The following EHMT2 variants were observed in gnomAD, a reference collection of about 807,000 sequenced individuals.
EHMT2 encodes the protein euchromatic histone lysine methyltransferase 2.
Under a neutral mutation model 143.3 loss-of-function variants are expected in EHMT2, and 59 were observed. The ratio of observed to expected loss-of-function variants is 0.41; its 90% CI spans 0.33 to 0.51. EHMT2 has a LOEUF of 0.51. EHMT2 is among the 20% of genes least tolerant of loss of function. The pLI, the probability that EHMT2 is intolerant of heterozygous loss-of-function variation, is 0.18. For synonymous variants in EHMT2, 604 were observed against 651.5 expected (o/e 0.93, Z 1.11); for missense variants, 1,174 against 1,645.9 (o/e 0.71, Z 4.96).
chr6:31,889,382 C>A lies in EHMT2; in HGVS notation c.1000-40G>T, dbSNP rs1462727474. ...GAGGAGGAGTTAGGAACCCTCACCC[C>A]CAGGGGCCCCCCCAACACCTTCAGG... On this transcript the variant is annotated intron_variant, in intron 8 of 27. Transcript: ENST00000375537. The surrounding 1 kb of genome is among the most constrained non-coding windows in gnomAD (Gnocchi z 5.1). 1 of 1,609,194 alleles carries A rather than the reference C, an allele frequency of 6.2e-7. No homozygotes were observed. Among genetic ancestry groups the A allele is most frequent in the Non-Finnish European group, 8.5e-7 (1 of 1,178,540 alleles).
chr6:31,897,637 T>C, exon 1 of EHMT2: 1 of 1,151,772 alleles, frequency 8.7e-7, no homozygotes, highest in Non-Finnish European at 1.1e-6. Context: ...CTTCCGCACC[T>C]CGGCGGCCGC....
Position 31,889,886 on chromosome 6 carries a change from T to C in EHMT2, c.865-284A>G, listed in dbSNP as rs137947555. ...GAAGATAAACATACTTTGATACCCC[T>C]TTTATGATGTTCATAAACAGGCAAG... is the stretch of plus-strand genomic sequence containing the variant. On this transcript the variant is annotated intron_variant, in intron 7 of 27. Transcript: ENST00000375537. This position sits in a 1 kb window ranked among gnomAD's most constrained non-coding sequence, Gnocchi z 5.1. Among the ~76,000 whole-genome samples, 26 of 152,352 alleles carry C rather than the reference T, an allele frequency of 1.7e-4. No individual in the cohort carries two copies. Among genetic ancestry groups the C allele is most frequent in the Non-Finnish European group, 3.4e-4 (23 of 68,034 alleles).
At chr6:31,890,943 A>G (rs1765602544) in intron 7 of EHMT2, among the ~76,000 whole-genome samples, 1 of 151,818 alleles carries the variant, frequency 6.6e-6, no homozygotes, top group Admixed American at 6.6e-5. Flanking sequence ...AAGACAAAAA[A>G]AAATTTTTTT....
chr6:31,889,297 C>T lies in EHMT2; in HGVS notation c.1045G>A (p.Asp349Asn). Residue 349 changes from aspartate to asparagine, a missense_variant, in exon 9 of 28, where the codon GAC becomes AAC. By Grantham distance (23) the Asp-to-Asn change is conservative. Around this residue, in one of 6 missense-constraint regions of EHMT2, gnomAD observed 608 missense variants for 903.7 expected, o/e 0.67. Transcript: ENST00000375537. The surrounding 1 kb of genome is among the most constrained non-coding windows in gnomAD (Gnocchi z 5.1). ...CGAGACGGCTTCACCCATGGGCTGT[C>T]TTTTCGCCATTTCTTCTTGGCCTTG... is the stretch of plus-strand genomic sequence containing the variant. The T allele has an allele frequency of 1.2e-6, 2 of 1,612,446 alleles. No homozygotes were observed. The highest frequency in any genetic ancestry group is 1.7e-6 in the Non-Finnish European group (2 of 1,179,994).
rs1764321965 is a variant in EHMT2, at chr6:31,883,067, C to T, written c.2995-58G>A. Reference sequence around the variant, plus strand: ...TGTGGGGCCCACCTCAGCTGCCCACCCAGGAACCCCAAGACTCTACAGAGA... The same window carrying T: ...TGTGGGGCCCACCTCAGCTGCCCACTCAGGAACCCCAAGACTCTACAGAGA... On this transcript the variant is annotated intron_variant, in intron 23 of 27. Transcript: ENST00000375537. This position sits in a 1 kb window ranked among gnomAD's most constrained non-coding sequence, Gnocchi z 5.6. The T allele has an allele frequency of 6.8e-7, 1 of 1,472,032 alleles. No homozygotes were observed. Among genetic ancestry groups the T allele is most frequent in the Admixed American group, 1.8e-5 (1 of 55,212 alleles). 91.2% of individuals were successfully genotyped at this position (1,472,032 alleles called of 1,614,324 possible).
exon 3 of EHMT2, chr6:31,896,810 C>T (rs1271923681): frequency 6.2e-7 from 1 of 1,612,980 alleles, no homozygotes; most frequent in South Asian, 1.1e-5. Context: ...GGGGTGTCCC[C>T]CAAAGAGCCA....
intron 1 of EHMT2, chr6:31,897,295 T>A: frequency 1.4e-6 from 1 of 695,124 alleles, no homozygotes; most frequent in Non-Finnish European, 2.0e-6. Flanking sequence ...GCTCCCCCTT[T>A]GTCCCCCAGG....
intron 4 of EHMT2, 190 bp downstream of exon 4, chr6:31,896,073 G>C: frequency 1.5e-6 from 1 of 683,712 alleles, no homozygotes; most frequent in South Asian, 2.7e-5. Context: ...CACCACCCAA[G>C]AATGTAAACT....
intron 15 of EHMT2, 168 bp from the exon 16 acceptor site, chr6:31,887,269 G>A (rs1764993333): frequency 1.5e-6 from 1 of 650,818 alleles, no homozygotes; most frequent in Non-Finnish European, 2.7e-6. Context: ...AGAATAAGGA[G>A]TCAAAGGCAT....
chr6:31,884,755 G>A lies in EHMT2; in HGVS notation c.2493C>T (p.Ala831=), dbSNP rs771160043. The change falls in exon 20 of 28, where the codon GCC becomes GCT. Residue 831 remains alanine, a synonymous_variant. Coordinates refer to ENST00000375537, the Ensembl canonical transcript of EHMT2. The surrounding 1 kb of genome is among the most constrained non-coding windows in gnomAD (Gnocchi z 7.3). ...CATTCAGAAGGACTTCGGCGATGGC[G>A]GCGCTGCCCGTGAAGGAGGCCCAGT... 61 of 1,601,718 alleles carry A rather than the reference G, an allele frequency of 3.8e-5. No homozygotes were observed. The highest frequency in any genetic ancestry group is 4.7e-5 in the Non-Finnish European group (55 of 1,174,582).
At position 31,880,368 on chromosome 6, in the gene EHMT2, C is replaced by T. The variant is rs1763945883; in HGVS notation, c.3453-104G>A. 1 of 1,294,498 alleles carries T rather than the reference C, an allele frequency of 7.7e-7. No individual in the cohort carries two copies. The highest frequency in any genetic ancestry group is 1.1e-6 in the Non-Finnish European group (1 of 937,262). The allele number at this position is 1,294,498 out of a possible 1,614,324, so 80.2% of individuals were successfully genotyped here. On this transcript the variant is annotated intron_variant, in intron 27 of 27. Transcript: ENST00000375537. The surrounding 1 kb of genome is among the most constrained non-coding windows in gnomAD (Gnocchi z 6.6). ...TCCCTGAGAGGGACCCGACACCCAA[C>T]CTATCTTCTCCAGATGGGATCTGAG...
Position 31,889,158 on chromosome 6 carries a change from T to A in EHMT2, c.1114+70A>T. 1 of 1,544,500 alleles carries A rather than the reference T, an allele frequency of 6.5e-7. No homozygotes were observed. Among genetic ancestry groups the A allele is most frequent in the Middle Eastern group, 1.8e-4 (1 of 5,424 alleles). Reference sequence around the variant, plus strand: ...GCAGGTGGACATGCGAGAGCGTGTGTGTGCGTGCACACACTCTGGGGGGCC... The same window carrying A: ...GCAGGTGGACATGCGAGAGCGTGTGAGTGCGTGCACACACTCTGGGGGGCC... On this transcript the variant is annotated intron_variant, in intron 9 of 27. Coordinates refer to ENST00000375537, the Ensembl canonical transcript of EHMT2. The surrounding 1 kb of genome is among the most constrained non-coding windows in gnomAD (Gnocchi z 5.1).
At chr6:31,896,358 C>T in exon 4 of EHMT2, 1 of 1,612,998 alleles carries the variant, frequency 6.2e-7, no homozygotes. Flanking sequence ...TCAGACCCTG[C>T]TGCTGCAGCT....
In EHMT2 at chr6:31,884,039, TG is replaced by T; in HGVS notation, c.2772-90del. 1 of 1,469,014 alleles carries T rather than the reference TG, an allele frequency of 6.8e-7. No individual in the cohort carries two copies. 91.0% of individuals were successfully genotyped at this position (1,469,014 alleles called of 1,614,324 possible). A position where few individuals can be genotyped will look rare whatever the true frequency, so the allele number is the denominator to read the frequency against. On this transcript the variant is annotated intron_variant, in intron 21 of 27. Transcript: ENST00000375537. The surrounding 1 kb of genome is among the most constrained non-coding windows in gnomAD (Gnocchi z 7.3). ...TAAGGAAGAGAGTTGGGGAGGTTCC[TG>T]GGGCTGGGGGCAGGGGAGTAAGGTT...
chr6:31,895,148 C>G (rs530209519), intron 4 of EHMT2, among the ~76,000 whole-genome samples: 16 of 152,316 alleles, frequency 1.1e-4, no homozygotes, highest in African/African-American at 3.8e-4. Flanking sequence ...TCAGGCTCAG[C>G]GAGAAGTCAG....
Position 31,884,039 on chromosome 6 carries a change from T to A in EHMT2, c.2772-89A>T. 1 of 1,469,014 alleles carries A rather than the reference T, an allele frequency of 6.8e-7. No homozygotes were observed. Among genetic ancestry groups the A allele is most frequent in the African/African-American group, 1.4e-5 (1 of 71,620 alleles). The allele number at this position is 1,469,014 out of a possible 1,614,324, so 91.0% of individuals were successfully genotyped here. A position where few individuals can be genotyped will look rare whatever the true frequency, so the allele number is the denominator to read the frequency against. On this transcript the variant is annotated intron_variant, in intron 21 of 27. Coordinates refer to ENST00000375537, the Ensembl canonical transcript of EHMT2. The surrounding 1 kb of genome is among the most constrained non-coding windows in gnomAD (Gnocchi z 7.3). ...TAAGGAAGAGAGTTGGGGAGGTTCC[T>A]GGGGCTGGGGGCAGGGGAGTAAGGT...
intron 1 of EHMT2, chr6:31,897,199 G>A (rs1225251960): frequency 6.4e-6 from 8 of 1,250,658 alleles, no homozygotes; most frequent in African/African-American, 5.1e-5. Context: ...GGTAGACCCC[G>A]CATCTCTGGG....
At position 31,880,271 on chromosome 6, in the gene EHMT2, G is replaced by C; in HGVS notation, c.3453-7C>G. ...GCGGTCGCCATAGTCAAACCTGTCA[G>C]AGGAAAACAGGAGCTTGTGGGACCT... is the stretch of plus-strand genomic sequence containing the variant. On this transcript the variant is annotated splice_polypyrimidine_tract_variant and splice_region_variant and intron_variant, in intron 27 of 27. Transcript: ENST00000375537. The surrounding 1 kb of genome is among the most constrained non-coding windows in gnomAD (Gnocchi z 6.6). 6.2e-7 allele frequency: 1 copy of C among 1,607,242 alleles called. No individual in the cohort carries two copies. The highest frequency in any genetic ancestry group is 8.5e-7 in the Non-Finnish European group (1 of 1,175,296).
Position 31,884,163 on chromosome 6 carries a change from A to G in EHMT2, c.2772-213T>C. 1.4e-6 allele frequency: 1 copy of G among 703,572 alleles called. No homozygotes were observed. Among genetic ancestry groups the G allele is most frequent in the Non-Finnish European group, 2.3e-6 (1 of 434,318 alleles). 43.6% of individuals were successfully genotyped at this position (703,572 alleles called of 1,614,324 possible). On this transcript the variant is annotated intron_variant, in intron 21 of 27. Coordinates refer to ENST00000375537, the Ensembl canonical transcript of EHMT2. The surrounding 1 kb of genome is among the most constrained non-coding windows in gnomAD (Gnocchi z 7.3). ...CAAAAATTACACAGGACATTCTCACACTAAAAAAGTATGCATCTGTGCATC... is the reference window on the plus strand; with the variant it reads ...CAAAAATTACACAGGACATTCTCACGCTAAAAAAGTATGCATCTGTGCATC...
Sources: allele counts gnomAD v4.1 joint callset (sites outside exome capture counted in the v4.1 genomes callset), GRCh38; gene constraint gnomAD v4.1.1; regional missense constraint gnomAD v4.1.1; non-coding constraint Gnocchi (gnomAD v3.1); transcripts MANE v1.5; gene names NCBI Gene and HGNC (gene_info 2026-07-23, HGNC 2026-07-21).